CREB5: variants seen among roughly 807,000 people sequenced by gnomAD.
The protein encoded by CREB5 is cyclic AMP-responsive element-binding protein 5.
A neutral mutation model predicts 57.1 loss-of-function variants in CREB5; 19 were observed. The ratio of observed to expected loss-of-function variants is 0.33; its 90% CI spans 0.23 to 0.49. CREB5 has a LOEUF of 0.49. Among genes scored for constraint, CREB5 ranks in the 20% least tolerant of loss-of-function variants. The pLI is 0.99. For synonymous variants in CREB5, 238 were observed against 238.3 expected, an observed-to-expected ratio of 1.00 and a Z score of 0.01; for missense variants, 579 against 671.6, an observed-to-expected ratio of 0.86 and a Z score of 1.52.
At chr7:28,496,636 C>T (rs574718415) in intron 3 of CREB5, among the ~76,000 whole-genome samples, 18 of 152,252 alleles carry the variant, frequency 1.2e-4, no homozygotes, top group African/African-American at 2.6e-4. Flanking sequence ...TTTATAGACA[C>T]GGTCAGATTC....
chr7:28,756,748 T>C (rs1805336954), intron 7 of CREB5, among the ~76,000 whole-genome samples: 1 of 152,166 alleles, frequency 6.6e-6, no homozygotes, highest in South Asian at 2.1e-4. Context: ...ATATTGGTTA[T>C]TAGTGTCAGC....
At chr7:28,534,989 C>T (rs1793895436) in intron 4 of CREB5, among the ~76,000 whole-genome samples, 1 of 141,486 alleles carries the variant, frequency 7.1e-6, no homozygotes, top group Non-Finnish European at 1.6e-5. Context: ...GAAATGTACT[C>T]ATCCTTGGCC....
intron 5 of CREB5, among the ~76,000 whole-genome samples, chr7:28,692,772 A>C (rs1801340453): frequency 6.6e-6 from 1 of 152,240 alleles, no homozygotes; most frequent in African/African-American, 2.4e-5. Context: ...ATCTCAAAAA[A>C]AACAACAAAA....
At chr7:28,475,250 C>CTTTTTTTTTTTTTTTTTTTTTT (rs530903709) in intron 1 of CREB5, among the ~76,000 whole-genome samples, 1 of 59,586 alleles carries the variant, frequency 1.7e-5, no homozygotes, top group Non-Finnish European at 2.9e-5. Context: ...TCAGAAGTTT[C>CTTTTTTTTTTTTTTTTTTTTTT]TTTTTTTTTT....
At chr7:28,458,885 G>A (rs968483976) in intron 1 of CREB5, among the ~76,000 whole-genome samples, 1 of 152,236 alleles carries the variant, frequency 6.6e-6, no homozygotes, top group African/African-American at 2.4e-5. Flanking sequence ...AGCCATGAAG[G>A]CGAGAAGCCA....
chr7:28,541,211 GTATT>G (rs373580091), intron 4 of CREB5, among the ~76,000 whole-genome samples: 82 of 152,310 alleles, frequency 5.4e-4, no homozygotes, highest in African/African-American at 1.9e-3. Context: ...GCTTGTGAAA[GTATT>G]TAGGGAAATA....
intron 1 of CREB5, among the ~76,000 whole-genome samples, chr7:28,469,882 T>A (rs1203465620): frequency 6.6e-6 from 1 of 152,226 alleles, no homozygotes; most frequent in Non-Finnish European, 1.5e-5. Flanking sequence ...TTTGAACCCA[T>A]GTACTCTTTT....
chr7:28,708,334 G>A (rs945269943), intron 5 of CREB5, among the ~76,000 whole-genome samples: 5 of 152,186 alleles, frequency 3.3e-5, no homozygotes, highest in South Asian at 4.2e-4. Context: ...CTGGGCCACC[G>A]ACACATCCCT....
intron 7 of CREB5, among the ~76,000 whole-genome samples, chr7:28,772,317 C>T (rs527360123): frequency 6.6e-6 from 1 of 152,288 alleles, no homozygotes; most frequent in South Asian, 2.1e-4. Context: ...GCAGGGTGAC[C>T]TGGGCAGCCC....
chr7:28,730,274 T>G (rs1803542547), intron 7 of CREB5, among the ~76,000 whole-genome samples: 1 of 152,112 alleles, frequency 6.6e-6, no homozygotes, highest in Non-Finnish European at 1.5e-5. Context: ...GCCTCAAACT[T>G]GCAGGCTCAA....
At chr7:28,639,755 C>T (rs1798573339) in intron 5 of CREB5, among the ~76,000 whole-genome samples, 1 of 152,154 alleles carries the variant, frequency 6.6e-6, no homozygotes, top group Non-Finnish European at 1.5e-5. Context: ...TGAATTGGGA[C>T]AGGCAAGAGT....
chr7:28,678,692 A>G (rs1280086907), intron 5 of CREB5, among the ~76,000 whole-genome samples: 1 of 152,186 alleles, frequency 6.6e-6, no homozygotes, highest in South Asian at 2.1e-4. Context: ...TCTTTCATTT[A>G]TTCACCCTTA....
chr7:28,333,318 T>C (rs1356699116), intron 1 of CREB5, among the ~76,000 whole-genome samples: 3 of 152,338 alleles, frequency 2.0e-5, no homozygotes, highest in Non-Finnish European at 4.4e-5. Context: ...TGTTTTGATA[T>C]AGTCATACAA....
intron 7 of CREB5, among the ~76,000 whole-genome samples, chr7:28,781,935 GT>G (rs36045067): frequency 0.28 from 41,081 of 144,838 alleles, 6,305 homozygotes; most frequent in South Asian, 0.42. Flanking sequence ...AACAATGTGT[GT>G]TTTTTTTTTT....
At chr7:28,560,819 TGTGCGCGCGCGC>T (rs1402314253) in intron 4 of CREB5, among the ~76,000 whole-genome samples, 4 of 62,340 alleles carry the variant, frequency 6.4e-5, no homozygotes, top group South Asian at 6.0e-4. Flanking sequence ...CGTGTGTGTG[TGTGCGCGCGCGC>T]GCGTGTGTGT....
At chr7:28,628,420 C>G (rs1422553678) in intron 5 of CREB5, among the ~76,000 whole-genome samples, 1 of 152,172 alleles carries the variant, frequency 6.6e-6, no homozygotes, top group Non-Finnish European at 1.5e-5. Flanking sequence ...GGCTTAGCAT[C>G]TGTCAGTCTA....
chr7:28,480,034 C>A (rs114066291), intron 1 of CREB5, among the ~76,000 whole-genome samples: 2 of 151,564 alleles, frequency 1.3e-5, no homozygotes, highest in African/African-American at 4.9e-5. Context: ...CTCCCCCCCC[C>A]CACATTATCC....
At chr7:28,614,691 G>A (rs1797530172) in intron 5 of CREB5, among the ~76,000 whole-genome samples, 1 of 152,014 alleles carries the variant, frequency 6.6e-6, no homozygotes, top group Non-Finnish European at 1.5e-5. Context: ...TTATAATTGT[G>A]GACAAAGTTT....
chr7:28,578,130 G>C (rs1488113980), intron 5 of CREB5, among the ~76,000 whole-genome samples: 2 of 152,184 alleles, frequency 1.3e-5, no homozygotes, highest in Non-Finnish European at 2.9e-5. Context: ...CATATCACTG[G>C]TTAGTGTCTT....
Sources: allele counts gnomAD v4.1 joint callset (sites outside exome capture counted in the v4.1 genomes callset), GRCh38; gene constraint gnomAD v4.1.1; transcripts MANE v1.5; gene names NCBI Gene and HGNC (gene_info 2026-07-23, HGNC 2026-07-21).